Variants in INTS10 observed in about 807,000 individuals in gnomAD.
INTS10 encodes the protein integrator complex subunit 10, also known as chromosome 8 open reading frame 35.
Under a neutral mutation model 94.4 loss-of-function variants are expected in INTS10, and 44 were observed. That is an observed-to-expected ratio of 0.47 (90% confidence interval 0.37 to 0.60). The LOEUF (loss-of-function observed/expected upper bound fraction) is 0.60, where lower values mean the gene tolerates loss of function less well. INTS10 is among the 20% of genes least tolerant of loss of function. The pLI, the probability that INTS10 is intolerant of heterozygous loss-of-function variation, is 0.00. For missense variants in INTS10, 797 were observed against 868.7 expected (o/e 0.92, Z 1.04); for synonymous variants, 341 against 320.7 (o/e 1.06, Z -0.68).
intron 16 of INTS10, among the ~76,000 whole-genome samples, chr8:19,850,305 C>G (rs2068924266): frequency 6.6e-6 from 1 of 152,190 alleles, no homozygotes; most frequent in Middle Eastern, 3.4e-3. Context: ...TGCATCTATC[C>G]TAGCGGGACC....
chr8:19,841,819 A>T, intron 13 of INTS10: 1 of 455,998 alleles, frequency 2.2e-6, no homozygotes. Context: ...GTGAGTTTTC[A>T]TTTACAGGGT....
rs755007308 is a variant in INTS10 at position 19,851,627 on chromosome 8, G to A, written c.1977-22G>A. On this transcript the variant is annotated intron_variant, in intron 16 of 16. Coordinates refer to ENST00000397977, the MANE Select transcript of INTS10 (RefSeq NM_018142.4). The surrounding 1 kb of genome is among the most constrained non-coding windows in gnomAD (Gnocchi z 5.0). ...TGGTGCTAACCCCTGGTCTTTGTCT[G>A]TTTCCCTATTGCTGACCTCAGGCAC... is the stretch of plus-strand genomic sequence containing the variant. 3.1e-6 allele frequency: 5 copies of A among 1,613,578 alleles called. No homozygotes were observed. Among genetic ancestry groups the A allele is most frequent in the Non-Finnish European group, 4.2e-6 (5 of 1,179,542 alleles).
intron 9 of INTS10, 24 bp downstream of exon 9, chr8:19,826,583 T>TAAC (rs774277645): frequency 6.3e-7 from 1 of 1,599,520 alleles, no homozygotes; most frequent in South Asian, 1.1e-5. Context: ...ATATACTTAT[T>TAAC]AACAGATTGG....
intron 5 of INTS10, among the ~76,000 whole-genome samples, chr8:19,822,820 C>T (rs939949285): frequency 6.6e-6 from 1 of 151,934 alleles, no homozygotes; most frequent in Non-Finnish European, 1.5e-5. Flanking sequence ...CATGGTGGCG[C>T]ACGCCTGTAG....
At chr8:19,821,088 C>T (rs1052273479) in intron 4 of INTS10, 1 of 134,162 alleles carries the variant, frequency 7.5e-6, no homozygotes. Flanking sequence ...TCACTCCATT[C>T]GTTCATACTC....
chr8:19,832,290 G>T (rs1002082010), intron 11 of INTS10, among the ~76,000 whole-genome samples, 180 bp downstream of exon 11: 1 of 152,130 alleles, frequency 6.6e-6, no homozygotes, highest in Non-Finnish European at 1.5e-5. Flanking sequence ...AGTAACTATC[G>T]GCCGGGTGTC....
intron 13 of INTS10, among the ~76,000 whole-genome samples, chr8:19,840,554 A>G (rs1006217933): frequency 6.6e-6 from 1 of 152,260 alleles, no homozygotes; most frequent in African/African-American, 2.4e-5. Flanking sequence ...ATATACAAGC[A>G]TAATAATCAA....
intron 16 of INTS10, among the ~76,000 whole-genome samples, chr8:19,848,487 C>T (rs2068757507): frequency 6.6e-6 from 1 of 152,122 alleles, no homozygotes; most frequent in Admixed American, 6.5e-5. Context: ...AAATGGAAAA[C>T]AATGTCCTAC....
chr8:19,847,823 A>T (rs545927584), intron 16 of INTS10, among the ~76,000 whole-genome samples: 11 of 152,292 alleles, frequency 7.2e-5, no homozygotes, highest in African/African-American at 2.2e-4. Context: ...CACAGGGAAG[A>T]GTGTTTGGAG....
chr8:19,818,414 G>A, intron 2 of INTS10, 72 bp downstream of exon 2: 2 of 1,470,708 alleles, frequency 1.4e-6, no homozygotes, highest in South Asian at 1.1e-5. Context: ...CTCTGCAGAA[G>A]TGGGAGTTGG....
chr8:19,830,707 T>A (rs1224712086), intron 10 of INTS10, 148 bp downstream of exon 10: 24 of 740,368 alleles, frequency 3.2e-5, no homozygotes, highest in Non-Finnish European at 2.2e-6. Flanking sequence ...GTCTCACTCT[T>A]TTTCACCCAG....
At position 19,820,467 on chromosome 8, in the gene INTS10, A is replaced by G. The variant is rs539663608; in HGVS notation, c.390A>G (p.Glu130=). The change falls in exon 4 of 17, where the codon GAA becomes GAG. Residue 130 remains glutamate, a synonymous_variant. Coordinates refer to ENST00000397977, the MANE Select transcript of INTS10 (RefSeq NM_018142.4). ...EQCFNTLERS[E]MLLLLLRRFP... is the part of the protein sequence containing the mutation. ...GCTTCAACACGTTAGAACGATCAGAAATGTTGCTTCTACTTTTGAGGCGCT... is the reference window on the plus strand; with the variant it reads ...GCTTCAACACGTTAGAACGATCAGAGATGTTGCTTCTACTTTTGAGGCGCT... 1 of 1,612,994 alleles carries G rather than the reference A, an allele frequency of 6.2e-7. No individual in the cohort carries two copies. Among genetic ancestry groups the G allele is most frequent in the Non-Finnish European group, 8.5e-7 (1 of 1,179,140 alleles).
Position 19,818,260 on chromosome 8 carries a change from T to G in INTS10, c.130-15T>G. 6.2e-7 allele frequency: 1 copy of G among 1,613,256 alleles called. No homozygotes were observed. The highest frequency in any genetic ancestry group is 8.5e-7 in the Non-Finnish European group (1 of 1,179,850). On this transcript the variant is annotated splice_polypyrimidine_tract_variant and intron_variant, in intron 1 of 16. Coordinates refer to ENST00000397977, the MANE Select transcript of INTS10 (RefSeq NM_018142.4). ...GGCAGGGGTGAGTGACCAGGGTGCC[T>G]GATGTGTGTTGCAGTATGAGATGTA...
rs1489592913 is a variant in INTS10, at chr8:19,849,718, T to C, written c.1977-1931T>C. Among the ~76,000 whole-genome samples, 1 of 152,218 alleles carries C rather than the reference T, an allele frequency of 6.6e-6. No homozygotes were observed. Among genetic ancestry groups the C allele is most frequent in the Non-Finnish European group, 1.5e-5 (1 of 68,032 alleles). On this transcript the variant is annotated intron_variant, in intron 16 of 16. Transcript: ENST00000397977. This position sits in a 1 kb window ranked among gnomAD's most constrained non-coding sequence, Gnocchi z 4.6. ...TTTTTTTTCCTGCTACTGATGTTTT[T>C]TCAGACCTTACCTTTCTGAATTGAA...
chr8:19,824,284 G>C lies in INTS10; in HGVS notation c.836+240G>C, dbSNP rs543547742. On this transcript the variant is annotated intron_variant, in intron 7 of 16. Transcript: ENST00000397977. ...AGGTGGGCAGATCACTTGAGGTCAGGAGTTCGAGACCAGCCTAGCCAACAT... is the reference window on the plus strand; with the variant it reads ...AGGTGGGCAGATCACTTGAGGTCAGCAGTTCGAGACCAGCCTAGCCAACAT... 27 of 313,644 alleles carry C rather than the reference G, an allele frequency of 8.6e-5. No homozygotes were observed. The East Asian group carries it at 1.8e-3, about 21-fold the overall frequency. The allele number at this position is 313,644 out of a possible 1,614,324, so 19.4% of individuals were successfully genotyped here. A position where few individuals can be genotyped will look rare whatever the true frequency, so the allele number is the denominator to read the frequency against.
At chr8:19,824,672 C>A in intron 7 of INTS10, 131 bp from the exon 8 acceptor site, 1 of 591,062 alleles carries the variant, frequency 1.7e-6, no homozygotes, top group Non-Finnish European at 2.9e-6. Flanking sequence ...TTATATTGGA[C>A]AATAAAGAAT....
intron 12 of INTS10, among the ~76,000 whole-genome samples, chr8:19,836,393 G>A (rs1182160422): frequency 6.6e-6 from 1 of 152,176 alleles, no homozygotes. Flanking sequence ...CCTGCACAGA[G>A]GCACTCGAGG....
intron 15 of INTS10, 165 bp from the exon 16 acceptor site, chr8:19,845,539 G>A (rs2068503480): frequency 3.3e-6 from 2 of 609,526 alleles, no homozygotes; most frequent in South Asian, 1.9e-5. Context: ...GTAGCAATGG[G>A]CAAGTTACTC....
chr8:19,839,741 G>A (rs1035989715), intron 13 of INTS10, among the ~76,000 whole-genome samples: 1 of 151,810 alleles, frequency 6.6e-6, no homozygotes, highest in Non-Finnish European at 1.5e-5. Context: ...TACATATTTG[G>A]CTATGTAGAA....
Sources: gnomAD v4.1 joint callset for allele counts (sites outside exome capture counted in the v4.1 genomes callset) on GRCh38, gnomAD v4.1.1 for gene constraint, Gnocchi (gnomAD v3.1) non-coding constraint, MANE v1.5 for transcripts, NCBI Gene and HGNC (gene_info 2026-07-23, HGNC 2026-07-21) for gene names.